The following ZFHX3 variants were observed in gnomAD, a reference collection of about 807,000 sequenced individuals.
ZFHX3 encodes zinc finger homeobox 3.
Under a neutral mutation model 279.1 loss-of-function variants are expected in ZFHX3, and 42 were observed. That is an observed-to-expected ratio of 0.15 (90% confidence interval 0.12 to 0.19). The LOEUF (loss-of-function observed/expected upper bound fraction) is 0.19, where lower values mean the gene tolerates loss of function less well. Ranked by LOEUF, ZFHX3 falls within the 10% of genes least tolerant of loss-of-function variation. ZFHX3 has a pLI of 1.00. For missense variants in ZFHX3, 4,981 were observed against 4,754.0 expected (o/e 1.05, Z -1.40); for synonymous variants, 2,293 against 1,957.8 (o/e 1.17, Z -4.52).
intron 3 of ZFHX3, among the ~76,000 whole-genome samples, chr16:73,409,014 C>G (rs2017417132): frequency 6.6e-6 from 1 of 152,164 alleles, no homozygotes; most frequent in Non-Finnish European, 1.5e-5. Flanking sequence ...TTAGTTTAAA[C>G]ACTTCGTTCT....
At chr16:72,938,881 G>T (rs1960265166) in intron 3 of ZFHX3, among the ~76,000 whole-genome samples, 1 of 152,082 alleles carries the variant, frequency 6.6e-6, no homozygotes. Context: ...TAATGAAAAT[G>T]GTCAGAGCCT....
At chr16:73,689,547 T>C (rs1426330054) in intron 1 of ZFHX3, among the ~76,000 whole-genome samples, 2 of 151,720 alleles carry the variant, frequency 1.3e-5, no homozygotes, top group African/African-American at 4.8e-5. Context: ...CTCTTGCCCC[T>C]CCCCCCACTC....
intron 1 of ZFHX3, among the ~76,000 whole-genome samples, chr16:73,769,704 G>C (rs2053996314): frequency 6.6e-6 from 1 of 152,070 alleles, no homozygotes; most frequent in South Asian, 2.1e-4. Context: ...ATATTTAAAA[G>C]GAAACACATT....
intron 2 of ZFHX3, among the ~76,000 whole-genome samples, chr16:73,626,734 C>A (rs1289962752): frequency 1.3e-5 from 2 of 152,162 alleles, no homozygotes; most frequent in Non-Finnish European, 2.9e-5. Context: ...GACTCATTAT[C>A]CCTCCCATCC....
At chr16:72,954,206 C>A (rs916367795) in intron 2 of ZFHX3, among the ~76,000 whole-genome samples, 3 of 152,174 alleles carry the variant, frequency 2.0e-5, no homozygotes, top group African/African-American at 7.2e-5. Context: ...CCTGTCTCTA[C>A]TGAACACACA....
At chr16:73,780,861 A>G (rs537017883) in intron 1 of ZFHX3, among the ~76,000 whole-genome samples, 28 of 152,362 alleles carry the variant, frequency 1.8e-4, no homozygotes, top group African/African-American at 5.8e-4. Flanking sequence ...AAAGTGCAAC[A>G]TAACTGCCAA....
intron 1 of ZFHX3, among the ~76,000 whole-genome samples, chr16:73,807,695 T>C (rs1597124719): frequency 1.4e-5 from 2 of 138,454 alleles, no homozygotes; most frequent in South Asian, 4.9e-4. Context: ...GGTCTTGAAC[T>C]CCTGAGCTCA....
intron 3 of ZFHX3, chr16:73,388,868 A>G (rs1273767147): frequency 6.6e-6 from 1 of 152,268 alleles, no homozygotes; most frequent in African/African-American, 2.4e-5. Flanking sequence ...AATTTCAGAC[A>G]CTGTGAACAA....
chr16:73,266,574 A>C (rs1486031699), intron 4 of ZFHX3, among the ~76,000 whole-genome samples: 1 of 152,142 alleles, frequency 6.6e-6, no homozygotes, highest in African/African-American at 2.4e-5. Flanking sequence ...CAAGCACTTA[A>C]GGGGCTTGGC....
chr16:72,918,401 T>G (rs2039495961), intron 3 of ZFHX3, among the ~76,000 whole-genome samples: 1 of 152,166 alleles, frequency 6.6e-6, no homozygotes, highest in South Asian at 2.1e-4. Context: ...ACGCAGCTAT[T>G]AAAAATTATG....
intron 3 of ZFHX3, among the ~76,000 whole-genome samples, chr16:72,911,163 G>C (rs781112690): frequency 5.9e-5 from 9 of 152,214 alleles, no homozygotes; most frequent in Non-Finnish European, 1.3e-4. Flanking sequence ...ACCAGACTTG[G>C]GCAGTAAGGG....
intron 1 of ZFHX3, among the ~76,000 whole-genome samples, chr16:73,805,931 G>A (rs762770856): frequency 5.3e-5 from 8 of 152,186 alleles, no homozygotes; most frequent in Non-Finnish European, 7.3e-5. Flanking sequence ...TCCATTCTCA[G>A]GCTGCTAATA....
At chr16:73,136,113 C>G (rs147645169) in intron 6 of ZFHX3, among the ~76,000 whole-genome samples, 200 of 152,270 alleles carry the variant, frequency 1.3e-3, no homozygotes, top group African/African-American at 4.4e-3. Context: ...TCCTCGGCCT[C>G]CTAAAGTGCT....
At chr16:73,468,762 T>C (rs1483437300) in intron 2 of ZFHX3, among the ~76,000 whole-genome samples, 1 of 152,038 alleles carries the variant, frequency 6.6e-6, no homozygotes, top group East Asian at 1.9e-4. Context: ...GAGAAAAGAT[T>C]TGGGAGGAGA....
chr16:73,247,119 T>A (rs887836734), intron 5 of ZFHX3, among the ~76,000 whole-genome samples: 1 of 152,150 alleles, frequency 6.6e-6, no homozygotes, highest in Non-Finnish European at 1.5e-5. Flanking sequence ...TCTGTCTATG[T>A]GCCTGTATGT....
chr16:72,785,859 G>A lies in ZFHX3; in HGVS notation c.*1305C>T, dbSNP rs2035347332. On this transcript the variant is annotated 3_prime_UTR_variant, in exon 10 of 10. Coordinates refer to ENST00000268489, the MANE Select transcript of ZFHX3 (RefSeq NM_006885.4). ...AAAGAAGGATAAATAAAAAATAAAT[G>A]CACAAAGCTAACAGACACAGGTAAC... 6.6e-6 allele frequency: 1 copy of A among 152,036 alleles called. No individual in the cohort carries two copies. The highest frequency in any genetic ancestry group is 1.5e-5 in the Non-Finnish European group (1 of 67,994). 9.4% of individuals were successfully genotyped at this position (152,036 alleles called of 1,614,324 possible). A position where few individuals can be genotyped will look rare whatever the true frequency, so the allele number is the denominator to read the frequency against.
chr16:72,828,016 C>G (rs1341137802), intron 5 of ZFHX3, among the ~76,000 whole-genome samples: 1 of 152,158 alleles, frequency 6.6e-6, no homozygotes, highest in Non-Finnish European at 1.5e-5. Flanking sequence ...GGCTGAATGA[C>G]CCATTTCTTC....
intron 2 of ZFHX3, among the ~76,000 whole-genome samples, chr16:73,466,469 G>T (rs1401260635): frequency 1.3e-5 from 2 of 152,158 alleles, no homozygotes; most frequent in Non-Finnish European, 2.9e-5. Context: ...GTAACAGAGT[G>T]AGACCCTGTT....
At chr16:73,185,612 T>C (rs913333435) in intron 5 of ZFHX3, among the ~76,000 whole-genome samples, 5 of 152,200 alleles carry the variant, frequency 3.3e-5, no homozygotes, top group Admixed American at 2.6e-4. Context: ...TTTTAGCACA[T>C]AAAAATGCAA....
Sources: gnomAD v4.1 joint callset for allele counts (sites outside exome capture counted in the v4.1 genomes callset) on GRCh38, gnomAD v4.1.1 for gene constraint, MANE v1.5 for transcripts, NCBI Gene and HGNC (gene_info 2026-07-23, HGNC 2026-07-21) for gene names.